The following CEP128 variants were observed in gnomAD, a reference collection of about 807,000 sequenced individuals.
CEP128 encodes the protein centrosomal protein 128.
CEP128 carries 132 observed loss-of-function variants against 156.7 expected under a neutral mutation model. That is an observed-to-expected ratio of 0.84 (90% CI 0.73 to 0.97). CEP128 has a LOEUF of 0.97. Among genes scored for constraint, CEP128 ranks in the 50% least tolerant of loss-of-function variants. The pLI is 0.00. For synonymous variants in CEP128, 469 were observed against 448.9 expected, an observed-to-expected ratio of 1.04 and a Z score of -0.57; for missense variants, 1,252 against 1,281.9, an observed-to-expected ratio of 0.98 and a Z score of 0.36.
rs149781360 is a variant in CEP128 at position 80,591,946 on chromosome 14, G to A, written c.2807-11523C>T. Among the ~76,000 whole-genome samples, 260 of 152,182 alleles carry A rather than the reference G, an allele frequency of 1.7e-3. 2 individuals are homozygous for A. The highest frequency in any genetic ancestry group is 5.5e-3 in the African/African-American group (227 of 41,548). Reference sequence around the variant, plus strand: ...AAATTAAGGCTGAAATAAAAAAGTTGTTTGAAACCAATGAGAACAAAGACA... The same window carrying A: ...AAATTAAGGCTGAAATAAAAAAGTTATTTGAAACCAATGAGAACAAAGACA... On this transcript the variant is annotated intron_variant, in intron 19 of 24. Transcript: ENST00000555265.
downstream of CEP128, among the ~76,000 whole-genome samples, chr14:80,488,745 C>T (rs535123624): frequency 2.0e-5 from 3 of 152,186 alleles, no homozygotes; most frequent in Admixed American, 1.3e-4. Context: ...AAATGTCCAA[C>T]AATGATAGTC....
At chr14:80,950,737 G>A (rs1490265105) in intron 2 of CEP128, among the ~76,000 whole-genome samples, 1 of 151,978 alleles carries the variant, frequency 6.6e-6, no homozygotes, top group African/African-American at 2.4e-5. Context: ...ATGCAGAAAT[G>A]GAGAAACAAT....
chr14:80,772,664 T>C (rs2139742615), intron 16 of CEP128, among the ~76,000 whole-genome samples: 1 of 152,260 alleles, frequency 6.6e-6, no homozygotes. Flanking sequence ...GCCTGGATGC[T>C]ACTGTGGGGC....
chr14:80,700,647 T>C (rs1457293083), intron 19 of CEP128, among the ~76,000 whole-genome samples: 2 of 152,158 alleles, frequency 1.3e-5, no homozygotes, highest in Non-Finnish European at 2.9e-5. Flanking sequence ...CAACTACCTA[T>C]CTGAATGGGA....
chr14:80,676,827 CA>C (rs1299254299), intron 19 of CEP128, among the ~76,000 whole-genome samples: 1 of 152,088 alleles, frequency 6.6e-6, no homozygotes, highest in Non-Finnish European at 1.5e-5. Context: ...TGGTAAATAA[CA>C]TCAGTTTTCT....
At chr14:80,908,192 A>C (rs185309263) in intron 4 of CEP128, among the ~76,000 whole-genome samples, 1 of 152,206 alleles carries the variant, frequency 6.6e-6, no homozygotes, top group African/African-American at 2.4e-5. Flanking sequence ...TTTCCGACCC[A>C]CAGAGATCAC....
intron 19 of CEP128, among the ~76,000 whole-genome samples, chr14:80,599,975 T>A (rs1892513144): frequency 1.3e-5 from 2 of 152,106 alleles, no homozygotes; most frequent in African/African-American, 4.8e-5. Context: ...TCACATACCA[T>A]GAAATATAGA....
At chr14:80,764,750 A>G (rs968447704) in intron 16 of CEP128, among the ~76,000 whole-genome samples, 2 of 152,200 alleles carry the variant, frequency 1.3e-5, no homozygotes, top group African/African-American at 4.8e-5. Flanking sequence ...AGTACCTGAC[A>G]AAGCTGTAAA....
chr14:80,519,097 C>A (rs902505742), intron 23 of CEP128, among the ~76,000 whole-genome samples: 3 of 152,176 alleles, frequency 2.0e-5, no homozygotes, highest in Non-Finnish European at 2.9e-5. Context: ...CTTTGCAATT[C>A]TAATAATCCC....
rs1555387565 is a variant in CEP128, at chr14:80,656,305, A to ATATATATTTT, written c.2807-75883_2807-75882insAAAATATATA. Among the ~76,000 whole-genome samples the ATATATATTTT allele has an allele frequency of 4.0e-4, 5 of 12,434 alleles. 1 individual carries two copies. The highest frequency in any genetic ancestry group is 1.3e-3 in the African/African-American group (4 of 3,014). The allele number at this position is 12,434 out of a possible 152,430, so 8.2% of individuals were successfully genotyped here. On this transcript the variant is annotated intron_variant, in intron 19 of 24. Coordinates refer to ENST00000555265, the MANE Select transcript of CEP128 (RefSeq NM_152446.5). ...TATATATATATTTATATATATATAT[A>ATATATATTTT]TATATATATATATATATATATATAT...
intron 19 of CEP128, among the ~76,000 whole-genome samples, chr14:80,598,727 T>C (rs1414452152): frequency 2.0e-5 from 3 of 152,206 alleles, no homozygotes; most frequent in African/African-American, 4.8e-5. Flanking sequence ...AGAGTTATTA[T>C]GGAGTTAGAG....
intron 19 of CEP128, among the ~76,000 whole-genome samples, chr14:80,580,829 C>T (rs1248402667): frequency 6.6e-6 from 1 of 152,088 alleles, no homozygotes; most frequent in African/African-American, 2.4e-5. Context: ...AAACCATTTG[C>T]CCTTAAAACA....
chr14:80,710,916 G>A (rs1385880389), intron 19 of CEP128, among the ~76,000 whole-genome samples: 1 of 152,052 alleles, frequency 6.6e-6, no homozygotes, highest in Non-Finnish European at 1.5e-5. Context: ...CCTCTAAAGT[G>A]ATACAAAAAA....
intron 13 of CEP128, chr14:80,822,800 G>C (rs1204013255): frequency 1.3e-6 from 1 of 749,192 alleles, no homozygotes; most frequent in Non-Finnish European, 2.5e-6. Context: ...CAAGTGAAGT[G>C]TGTGCATTTT....
At chr14:80,849,247 T>C (rs1483640549) in intron 9 of CEP128, among the ~76,000 whole-genome samples, 2 of 152,144 alleles carry the variant, frequency 1.3e-5, no homozygotes, top group Non-Finnish European at 2.9e-5. Flanking sequence ...GAAGAAACAT[T>C]ATAAGATGAA....
intron 19 of CEP128, among the ~76,000 whole-genome samples, chr14:80,664,488 G>A (rs866359483): frequency 4.2e-5 from 5 of 118,578 alleles, no homozygotes; most frequent in African/African-American, 2.0e-4. Context: ...CAGAATATGA[G>A]GGCAAAAAAA....
intron 2 of CEP128, among the ~76,000 whole-genome samples, chr14:80,937,205 T>C (rs1453532645): frequency 6.8e-6 from 1 of 147,382 alleles, no homozygotes; most frequent in Non-Finnish European, 1.5e-5. Context: ...CCTGTAGTCC[T>C]AACTACTCGG....
At chr14:80,741,829 G>T (rs968835175) in intron 19 of CEP128, among the ~76,000 whole-genome samples, 1 of 151,840 alleles carries the variant, frequency 6.6e-6, no homozygotes, top group Non-Finnish European at 1.5e-5. Flanking sequence ...TAGTTTCGCT[G>T]CCTTTCACCT....
chr14:80,497,664 T>A, intron 24 of CEP128, 82 bp from the exon 25 acceptor site: 1 of 822,402 alleles, frequency 1.2e-6, no homozygotes, highest in Non-Finnish European at 2.0e-6. Flanking sequence ...AGAAGGTAGT[T>A]AATGTATCAT....
Sources: allele counts gnomAD v4.1 joint callset (sites outside exome capture counted in the v4.1 genomes callset), GRCh38; gene constraint gnomAD v4.1.1; transcripts MANE v1.5; gene names NCBI Gene and HGNC (gene_info 2026-07-23, HGNC 2026-07-21).